RGS6: variants seen among roughly 807,000 people sequenced by gnomAD.
RGS6 encodes regulator of G protein signaling 6.
Under a neutral mutation model 78.5 loss-of-function variants are expected in RGS6, and 30 were observed. The observed-to-expected ratio is 0.38, with a 90% CI of 0.29 to 0.52. The LOEUF is 0.52. Ranked by LOEUF, RGS6 falls within the 20% of genes least tolerant of loss-of-function variation. The probability of loss-of-function intolerance (pLI) is 0.85; values close to 1 mark genes in which losing one functional copy is unlikely to be tolerated. For missense variants in RGS6, 495 were observed against 609.7 expected, an observed-to-expected ratio of 0.81 and a Z score of 1.98; for synonymous variants, 206 against 206.0, an observed-to-expected ratio of 1.00 and a Z score of 0.00.
chr14:72,245,965 A>G (rs957037166), intron 2 of RGS6, among the ~76,000 whole-genome samples: 6 of 152,200 alleles, frequency 3.9e-5, no homozygotes, highest in Non-Finnish European at 8.8e-5. Context: ...GGTACCTTTC[A>G]CATGATCTGC....
chr14:72,087,747 G>A (rs1177193110), intron 2 of RGS6, among the ~76,000 whole-genome samples: 2 of 151,714 alleles, frequency 1.3e-5, no homozygotes, highest in South Asian at 2.1e-4. Flanking sequence ...TCATGGATTC[G>A]CAATTCTTCA....
intron 3 of RGS6, among the ~76,000 whole-genome samples, chr14:72,360,394 C>T (rs1649164174): frequency 6.6e-6 from 1 of 151,742 alleles, no homozygotes; most frequent in Admixed American, 6.6e-5. Context: ...TGGTGGCGGG[C>T]ACCTGTAGTC....
chr14:72,137,171 A>C (rs2096457165), intron 2 of RGS6, among the ~76,000 whole-genome samples: 2 of 152,194 alleles, frequency 1.3e-5, no homozygotes, highest in Non-Finnish European at 2.9e-5. Context: ...GTATCAAGCA[A>C]GGTTTCCTCA....
chr14:72,530,564 G>T (rs2153484543), intron 15 of RGS6, among the ~76,000 whole-genome samples: 1 of 152,310 alleles, frequency 6.6e-6, no homozygotes, highest in Admixed American at 6.5e-5. Flanking sequence ...GGTGGTGCAT[G>T]CTTGTAATCC....
In RGS6 at chr14:72,529,156, A is replaced by G. The variant is rs116274285; in HGVS notation, c.1279-7030A>G. ...TTTCGTTGCTTGGGGGAGGAGTTGC[A>G]GGGCAGGAAAGAGTCACAGATCCCT... On this transcript the variant is annotated intron_variant, in intron 15 of 17. Coordinates refer to ENST00000553525, the MANE Select transcript of RGS6 (RefSeq NM_001204424.2). 5.0e-3 allele frequency among the ~76,000 whole-genome samples: 763 copies of G among 152,338 alleles called. 6 individuals carry two copies. Among genetic ancestry groups the G allele is most frequent in the African/African-American group, 0.017 (707 of 41,576 alleles).
At chr14:72,579,649 C>T in the RGS6 span, among the ~76,000 whole-genome samples, 29 of 152,242 alleles carry the variant, frequency 1.9e-4, no homozygotes, top group East Asian at 1.9e-3. Context: ...TCCCTTAGAA[C>T]GCTGGCTGCT....
chr14:72,489,932 T>C (rs1305694693), intron 12 of RGS6, among the ~76,000 whole-genome samples: 3 of 152,224 alleles, frequency 2.0e-5, no homozygotes, highest in African/African-American at 7.2e-5. Flanking sequence ...GCCATTTCTT[T>C]TATAAAGAAT....
the RGS6 span, among the ~76,000 whole-genome samples, chr14:71,904,906 T>C: frequency 2.0e-5 from 3 of 152,168 alleles, no homozygotes; most frequent in Non-Finnish European, 4.4e-5. Flanking sequence ...CTTTTTTTTT[T>C]CTACTGTGAT....
chr14:71,999,855 C>T (rs1479238341), intron 2 of RGS6, among the ~76,000 whole-genome samples: 2 of 110,060 alleles, frequency 1.8e-5, no homozygotes, highest in Non-Finnish European at 3.6e-5. Context: ...GTGCATGAGC[C>T]AATTAAACCT....
Position 72,246,820 on chromosome 14 carries a change from C to T in RGS6, c.85-105275C>T, listed in dbSNP as rs536627129. Reference sequence around the variant, plus strand: ...ACTTGGGAGGCTGAGACAAGAGAATCGCTTGAACCTGAGAGGTGGAGCTTG... The same window carrying T: ...ACTTGGGAGGCTGAGACAAGAGAATTGCTTGAACCTGAGAGGTGGAGCTTG... On this transcript the variant is annotated intron_variant, in intron 2 of 17. Transcript: ENST00000553525. Among the ~76,000 whole-genome samples the T allele has an allele frequency of 5.3e-5, 8 of 151,620 alleles. No individual in the cohort carries two copies. In the South Asian group the frequency reaches 6.3e-4, roughly 12 times the overall value.
intron 2 of RGS6, among the ~76,000 whole-genome samples, chr14:71,983,381 T>C (rs1333309303): frequency 6.6e-6 from 1 of 152,256 alleles, no homozygotes; most frequent in Non-Finnish European, 1.5e-5. Flanking sequence ...TATCTGTCAG[T>C]ATGACACTTT....
chr14:72,362,313 T>C (rs1019511730), intron 3 of RGS6, among the ~76,000 whole-genome samples: 2 of 152,252 alleles, frequency 1.3e-5, no homozygotes, highest in South Asian at 4.1e-4. Flanking sequence ...ATTGGGTATG[T>C]CTAGAATATT....
intron 2 of RGS6, among the ~76,000 whole-genome samples, chr14:72,177,983 C>T (rs982789278): frequency 3.3e-5 from 5 of 152,210 alleles, no homozygotes; most frequent in South Asian, 2.1e-4. Flanking sequence ...CTTCCTCCCC[C>T]ACTTTTTGCT....
Position 71,983,644 on chromosome 14 carries a change from A to C in RGS6, c.84+18769A>C, listed in dbSNP as rs148539985. 5.4e-3 allele frequency among the ~76,000 whole-genome samples: 820 copies of C among 152,062 alleles called. 9 individuals carry two copies. The highest frequency in any genetic ancestry group is 0.019 in the African/African-American group (781 of 41,460). ...TCACCCTGGTCTTCGCCTTTGTCCT[A>C]CCTCACCTTCCTCATGTGCCTACCT... is the stretch of plus-strand genomic sequence containing the variant. On this transcript the variant is annotated intron_variant, in intron 2 of 17. Coordinates refer to ENST00000553525, the MANE Select transcript of RGS6 (RefSeq NM_001204424.2).
intron 1 of RGS6, among the ~76,000 whole-genome samples, chr14:71,964,074 G>A (rs1282892545): frequency 6.6e-6 from 1 of 151,886 alleles, no homozygotes; most frequent in Non-Finnish European, 1.5e-5. Context: ...GTATGAAGTG[G>A]TATCTCCTTG....
At chr14:72,539,093 C>A (rs1367403914) in intron 16 of RGS6, among the ~76,000 whole-genome samples, 2 of 152,202 alleles carry the variant, frequency 1.3e-5, no homozygotes, top group Admixed American at 6.5e-5. Context: ...AGCGGTCATT[C>A]TACTCTCCCG....
intron 2 of RGS6, among the ~76,000 whole-genome samples, chr14:72,145,090 G>T (rs1364359948): frequency 6.6e-6 from 1 of 152,120 alleles, no homozygotes; most frequent in Non-Finnish European, 1.5e-5. Context: ...TTACTGGTCT[G>T]GGTGGTGTCA....
Position 72,531,107 on chromosome 14 carries a change from C to T in RGS6, c.1279-5079C>T, listed in dbSNP as rs573712911. On this transcript the variant is annotated intron_variant, in intron 15 of 17. Transcript: ENST00000553525. ...ACACTAAGTTTGTTAAATCAGAATA[C>T]GTCTGGACTATCCAAGTAGTCTCAG... 2.9e-3 allele frequency among the ~76,000 whole-genome samples: 434 copies of T among 152,272 alleles called. 2 individuals are homozygous for T. The highest frequency in any genetic ancestry group is 6.8e-3 in the Middle Eastern group (2 of 294).
At chr14:72,219,899 C>T (rs1013387819) in intron 2 of RGS6, among the ~76,000 whole-genome samples, 8 of 152,092 alleles carry the variant, frequency 5.3e-5, no homozygotes, top group East Asian at 1.9e-4. Context: ...TTCTTCCAGA[C>T]GAACATTCCT....
Sources: gnomAD v4.1 joint callset for allele counts (sites outside exome capture counted in the v4.1 genomes callset) on GRCh38, gnomAD v4.1.1 for gene constraint, MANE v1.5 for transcripts, NCBI Gene and HGNC (gene_info 2026-07-23, HGNC 2026-07-21) for gene names.